GABRB2: variants seen among roughly 807,000 people sequenced by gnomAD.
GABRB2 encodes gamma-aminobutyric acid receptor subunit beta-2.
GABRB2 carries 16 observed loss-of-function variants against 54.7 expected under a neutral mutation model. The observed-to-expected ratio is 0.29, with a 90% CI of 0.20 to 0.44. The LOEUF is 0.44. GABRB2 is among the 20% of genes least tolerant of loss of function. GABRB2 has a pLI of 1.00. For synonymous variants in GABRB2, 244 were observed against 233.8 expected (o/e 1.04, Z -0.40); for missense variants, 355 against 644.0 (o/e 0.55, Z 4.86).
At chr5:161,461,775 C>A (rs1418668279) in intron 3 of GABRB2, among the ~76,000 whole-genome samples, 1 of 152,120 alleles carries the variant, frequency 6.6e-6, no homozygotes, top group African/African-American at 2.4e-5. Flanking sequence ...TCTCTGCAAC[C>A]TGAGAGGCTA....
At chr5:161,400,327 A>G (rs1756144458) in intron 5 of GABRB2, among the ~76,000 whole-genome samples, 1 of 152,194 alleles carries the variant, frequency 6.6e-6, no homozygotes, top group Admixed American at 6.5e-5. Context: ...ATTAGGATCA[A>G]GTATGAAATG....
chr5:161,356,122 A>T (rs896397106), intron 5 of GABRB2, among the ~76,000 whole-genome samples: 6 of 152,164 alleles, frequency 3.9e-5, no homozygotes, highest in African/African-American at 1.4e-4. Flanking sequence ...GAATAGGATC[A>T]TGTGAAGGCA....
intron 3 of GABRB2, among the ~76,000 whole-genome samples, chr5:161,543,583 A>T (rs942714291): frequency 2.0e-5 from 3 of 152,214 alleles, no homozygotes; most frequent in South Asian, 2.1e-4. Context: ...AGTCTGAATC[A>T]ATCACGTGTA....
intron 3 of GABRB2, among the ~76,000 whole-genome samples, chr5:161,495,856 TAA>T (rs896830595): frequency 2.0e-5 from 3 of 152,180 alleles, no homozygotes; most frequent in African/African-American, 7.2e-5. Flanking sequence ...GTTGGAAAAT[TAA>T]AATAAACTGA....
At chr5:161,496,250 T>G (rs780400366) in intron 3 of GABRB2, among the ~76,000 whole-genome samples, 1 of 152,134 alleles carries the variant, frequency 6.6e-6, no homozygotes, top group Non-Finnish European at 1.5e-5. Flanking sequence ...TCATAATACC[T>G]CCTTAGAGGA....
intron 5 of GABRB2, among the ~76,000 whole-genome samples, chr5:161,395,581 T>C (rs1456213745): frequency 2.0e-5 from 3 of 152,176 alleles, no homozygotes; most frequent in Non-Finnish European, 2.9e-5. Context: ...TGCAAACTCC[T>C]GTGAAGAAAT....
At chr5:161,468,037 T>C (rs1758327804) in intron 3 of GABRB2, among the ~76,000 whole-genome samples, 1 of 152,086 alleles carries the variant, frequency 6.6e-6, no homozygotes, top group Non-Finnish European at 1.5e-5. Flanking sequence ...ACAGCTTTAT[T>C]TCCAAATATT....
intron 3 of GABRB2, among the ~76,000 whole-genome samples, chr5:161,530,090 T>A (rs371637698): frequency 2.6e-5 from 4 of 152,040 alleles, no homozygotes; most frequent in African/African-American, 9.7e-5. Context: ...ACAGCATAAG[T>A]AGCGTTTGAT....
At chr5:161,358,100 C>T (rs966565614) in intron 5 of GABRB2, among the ~76,000 whole-genome samples, 1 of 151,976 alleles carries the variant, frequency 6.6e-6, no homozygotes, top group Non-Finnish European at 1.5e-5. Context: ...ATTAAGAATT[C>T]AGGTTGATGA....
chr5:161,472,746 T>A (rs1189626681), intron 3 of GABRB2, among the ~76,000 whole-genome samples: 1 of 151,970 alleles, frequency 6.6e-6, no homozygotes, highest in Non-Finnish European at 1.5e-5. Flanking sequence ...CCTGTAATAA[T>A]GTGCTCATTC....
rs1757237181 is a variant in GABRB2, at chr5:161,291,524, A to G, written c.*2557T>C. 1 of 152,308 alleles carries G rather than the reference A, an allele frequency of 6.6e-6. No homozygotes were observed. Among genetic ancestry groups the G allele is most frequent in the African/African-American group, 2.4e-5 (1 of 41,438 alleles). The allele number at this position is 152,308 out of a possible 1,614,324, so 9.4% of individuals were successfully genotyped here. On this transcript the variant is annotated 3_prime_UTR_variant, in exon 10 of 10. Coordinates refer to ENST00000393959, the MANE Select transcript of GABRB2 (RefSeq NM_001371727.1). The stretch of plus-strand genomic sequence containing the variant: ...CTATCTCTGTGGTTACTGAGTGCCA[A>G]TGTATGCTTTTTACTCTAGGGCATT...
chr5:161,306,280 G>A (rs997949191), intron 9 of GABRB2, among the ~76,000 whole-genome samples: 6 of 152,206 alleles, frequency 3.9e-5, no homozygotes, highest in African/African-American at 1.4e-4. Flanking sequence ...CTGAGGCAAG[G>A]CACTAATGTT....
intron 7 of GABRB2, among the ~76,000 whole-genome samples, chr5:161,331,483 T>A (rs759760818): frequency 1.3e-5 from 2 of 152,104 alleles, no homozygotes; most frequent in Non-Finnish European, 2.9e-5. Flanking sequence ...GGGATGAGGT[T>A]AGGAAATAGA....
At chr5:161,335,267 G>A (rs570018417) in intron 6 of GABRB2, among the ~76,000 whole-genome samples, 4 of 152,264 alleles carry the variant, frequency 2.6e-5, no homozygotes, top group South Asian at 4.1e-4. Flanking sequence ...TTATGTGAGA[G>A]TGAGGCTGCA....
In GABRB2 at chr5:161,357,519, CAA is replaced by C. The variant is rs11423363; in HGVS notation, c.542-20752_542-20751del. 9.4e-4 allele frequency among the ~76,000 whole-genome samples: 133 copies of C among 140,786 alleles called. 1 individual carries two copies. Among genetic ancestry groups the C allele is most frequent in the African/African-American group, 3.3e-3 (126 of 38,326 alleles). 92.4% of individuals were successfully genotyped at this position (140,786 alleles called of 152,430 possible). A position where few individuals can be genotyped will look rare whatever the true frequency, so the allele number is the denominator to read the frequency against. ...CACTATTATGAGTGAGAGTTTTGAGCAAAAAAAAAAAAAAATGATATGATCTG... is the reference window on the plus strand; with the variant it reads ...CACTATTATGAGTGAGAGTTTTGAGCAAAAAAAAAAAAATGATATGATCTG... On this transcript the variant is annotated intron_variant, in intron 5 of 9. Coordinates refer to ENST00000393959, the MANE Select transcript of GABRB2 (RefSeq NM_001371727.1).
At chr5:161,458,943 T>C (rs1341680525) in intron 4 of GABRB2, among the ~76,000 whole-genome samples, 1 of 152,186 alleles carries the variant, frequency 6.6e-6, no homozygotes, top group African/African-American at 2.4e-5. Flanking sequence ...CTTTATATTA[T>C]AGTGTTTTCA....
chr5:161,467,608 G>GT (rs1479032965), intron 3 of GABRB2, among the ~76,000 whole-genome samples: 1 of 152,104 alleles, frequency 6.6e-6, no homozygotes, highest in South Asian at 2.1e-4. Flanking sequence ...AAGTATTTCA[G>GT]TTTTTTTGTC....
chr5:161,532,988 C>G (rs914004078), intron 3 of GABRB2, among the ~76,000 whole-genome samples: 2 of 152,114 alleles, frequency 1.3e-5, no homozygotes, highest in African/African-American at 4.8e-5. Context: ...AAGACACATG[C>G]CGATTCACCT....
At chr5:161,502,736 G>A (rs749122220) in intron 3 of GABRB2, among the ~76,000 whole-genome samples, 1 of 152,134 alleles carries the variant, frequency 6.6e-6, no homozygotes, top group African/African-American at 2.4e-5. Flanking sequence ...CAATACCTTG[G>A]CTAGGAAGAA....
Sources: allele counts gnomAD v4.1 joint callset (sites outside exome capture counted in the v4.1 genomes callset), GRCh38; gene constraint gnomAD v4.1.1; transcripts MANE v1.5; gene names NCBI Gene and HGNC (gene_info 2026-07-23, HGNC 2026-07-21).